RIMS1: variants seen among roughly 807,000 people sequenced by gnomAD.
The protein encoded by RIMS1 is regulating synaptic membrane exocytosis protein 1.
RIMS1 carries 83 observed loss-of-function variants against 214.1 expected under a neutral mutation model. The observed-to-expected ratio is 0.39, with a 90% CI of 0.32 to 0.47. The LOEUF (loss-of-function observed/expected upper bound fraction) is 0.47. RIMS1 is among the 20% of genes least tolerant of loss of function. The pLI, the probability that RIMS1 is intolerant of heterozygous loss-of-function variation, is 0.99. For synonymous variants in RIMS1, 793 were observed against 786.8 expected (o/e 1.01, Z -0.13); for missense variants, 2,050 against 2,161.8 (o/e 0.95, Z 1.03).
In RIMS1 at chr6:72,120,704, GT is replaced by G. The variant is rs561511001; in HGVS notation, c.471+20722del. Among the ~76,000 whole-genome samples the G allele has an allele frequency of 3.1e-3, 466 of 151,934 alleles. 4 individuals carry two copies. Among genetic ancestry groups the G allele is most frequent in the African/African-American group, 0.011 (455 of 41,510 alleles). On this transcript the variant is annotated intron_variant, in intron 4 of 33. Coordinates refer to ENST00000521978, the MANE Select transcript of RIMS1 (RefSeq NM_014989.7). ...GGCTTTTGTTGCCATTGCTTTTGGT[GT>G]TTTAGTCATGAAGTCCTTGCCCATG...
chr6:72,346,831 G>A (rs2097281632), intron 29 of RIMS1, among the ~76,000 whole-genome samples: 1 of 151,700 alleles, frequency 6.6e-6, no homozygotes, highest in African/African-American at 2.4e-5. Flanking sequence ...TTTACATGTT[G>A]TCTATGGCTA....
intron 1 of RIMS1, among the ~76,000 whole-genome samples, chr6:71,923,825 A>G (rs986286036): frequency 2.0e-5 from 3 of 152,080 alleles, no homozygotes; most frequent in Non-Finnish European, 4.4e-5. Context: ...CAGCCTCCCA[A>G]AGTGCTGGGA....
intron 6 of RIMS1, among the ~76,000 whole-genome samples, chr6:72,219,832 G>T (rs2057791988): frequency 6.6e-6 from 1 of 151,264 alleles, no homozygotes. Flanking sequence ...TTTATTTCAG[G>T]ATTATGTTCT....
At chr6:72,263,730 G>T in intron 19 of RIMS1, 1 of 985,156 alleles carries the variant, frequency 1.0e-6, no homozygotes, top group Non-Finnish European at 1.2e-6. Flanking sequence ...GGAGGAAGCT[G>T]AAGCGGGCAG....
chr6:72,313,973 G>A (rs1484468617), intron 28 of RIMS1, among the ~76,000 whole-genome samples: 1 of 152,164 alleles, frequency 6.6e-6, no homozygotes, highest in East Asian at 1.9e-4. Flanking sequence ...GGGACAGACA[G>A]TAAATATTTC....
chr6:72,215,377 G>A (rs1377912012), intron 6 of RIMS1, among the ~76,000 whole-genome samples: 1 of 152,148 alleles, frequency 6.6e-6, no homozygotes, highest in African/African-American at 2.4e-5. Flanking sequence ...TAACTTTGAA[G>A]TAATTCAACA....
In RIMS1 at chr6:72,015,965, C is replaced by A. The variant is rs774250293; in HGVS notation, c.245+46902C>A. Among the ~76,000 whole-genome samples, 128 of 152,034 alleles carry A rather than the reference C, an allele frequency of 8.4e-4. 1 individual carries two copies. The highest frequency in any genetic ancestry group is 1.3e-3 in the Admixed American group (20 of 15,272). On this transcript the variant is annotated intron_variant, in intron 2 of 33. Transcript: ENST00000521978. The stretch of plus-strand genomic sequence containing the variant: ...TATATTAGGTGCTTCTCATAGAGGA[C>A]ATTTATCAAATTGAGAAAGTTCTAT...
intron 28 of RIMS1, among the ~76,000 whole-genome samples, chr6:72,315,693 A>T (rs551648806): frequency 2.7e-5 from 4 of 149,952 alleles, no homozygotes; most frequent in Non-Finnish European, 5.9e-5. Flanking sequence ...GCAGCAGTAC[A>T]CACACACACA....
chr6:72,369,323 G>T (rs1459817461), intron 29 of RIMS1, among the ~76,000 whole-genome samples: 1 of 152,066 alleles, frequency 6.6e-6, no homozygotes, highest in Non-Finnish European at 1.5e-5. Context: ...ATAGAGAGCA[G>T]TGCCTTTACC....
intron 4 of RIMS1, among the ~76,000 whole-genome samples, chr6:72,167,373 A>T (rs988588951): frequency 1.3e-5 from 2 of 151,758 alleles, no homozygotes; most frequent in East Asian, 3.9e-4. Context: ...ATTAGTTTTT[A>T]ATTTTATTTT....
intron 1 of RIMS1, among the ~76,000 whole-genome samples, chr6:71,942,503 T>C (rs752402236): frequency 6.6e-6 from 1 of 152,212 alleles, no homozygotes; most frequent in Non-Finnish European, 1.5e-5. Context: ...TAAAATACTT[T>C]GTTATTTTTC....
At chr6:72,011,111 G>T (rs989019841) in intron 2 of RIMS1, among the ~76,000 whole-genome samples, 2 of 152,102 alleles carry the variant, frequency 1.3e-5, no homozygotes, top group Admixed American at 1.3e-4. Context: ...AAACAGCATG[G>T]TACTGGTACC....
chr6:72,207,265 G>C (rs1197407373), intron 6 of RIMS1, among the ~76,000 whole-genome samples: 2 of 152,168 alleles, frequency 1.3e-5, no homozygotes, highest in Non-Finnish European at 2.9e-5. Flanking sequence ...AGGACAACAG[G>C]TGGATACATA....
chr6:72,135,579 T>TCAG (rs2041151642), intron 4 of RIMS1, among the ~76,000 whole-genome samples: 1 of 152,028 alleles, frequency 6.6e-6, no homozygotes, highest in Non-Finnish European at 1.5e-5. Context: ...AGTGTGGGTG[T>TCAG]CAGGGTATGA....
intron 2 of RIMS1, among the ~76,000 whole-genome samples, chr6:72,089,667 G>A (rs1835635929): frequency 1.3e-5 from 2 of 151,362 alleles, no homozygotes; most frequent in Non-Finnish European, 2.9e-5. Flanking sequence ...TCCCATTACT[G>A]GGTATATACC....
At chr6:72,138,479 T>A (rs1470866399) in intron 4 of RIMS1, among the ~76,000 whole-genome samples, 2 of 152,134 alleles carry the variant, frequency 1.3e-5, no homozygotes, top group East Asian at 3.9e-4. Flanking sequence ...ATTTTTCAAA[T>A]AAATGAAAAT....
rs374647869 is a variant in RIMS1 at position 72,139,114 on chromosome 6, C to CTG, written c.471+39140_471+39141dup. On this transcript the variant is annotated intron_variant, in intron 4 of 33. Transcript: ENST00000521978. ...AAGATACATGCCTGTTTCTGTGTGT[C>CTG]TGTGTGTGTGTGTATGTGTGCATAT... 1.1e-3 allele frequency among the ~76,000 whole-genome samples: 174 copies of CTG among 151,620 alleles called. 1 individual carries two copies. The highest frequency in any genetic ancestry group is 3.8e-3 in the African/African-American group (159 of 41,394).
At chr6:71,983,499 G>C (rs1414177934) in intron 2 of RIMS1, among the ~76,000 whole-genome samples, 1 of 151,746 alleles carries the variant, frequency 6.6e-6, no homozygotes, top group Non-Finnish European at 1.5e-5. Flanking sequence ...TTCAACATTG[G>C]CATAGGGACT....
chr6:71,988,660 G>T (rs1020848910), intron 2 of RIMS1, among the ~76,000 whole-genome samples: 13 of 152,170 alleles, frequency 8.5e-5, no homozygotes, highest in African/African-American at 3.1e-4. Context: ...CTCCTGAAAA[G>T]AATTGAGCAT....
Sources: allele counts gnomAD v4.1 joint callset (sites outside exome capture counted in the v4.1 genomes callset), GRCh38; gene constraint gnomAD v4.1.1; transcripts MANE v1.5; gene names NCBI Gene and HGNC (gene_info 2026-07-23, HGNC 2026-07-21).